SDK1: variants seen among roughly 807,000 people sequenced by gnomAD.
SDK1 encodes the protein sidekick cell adhesion molecule 1.
SDK1 carries 157 observed loss-of-function variants against 245.5 expected under a neutral mutation model. The ratio of observed to expected loss-of-function variants is 0.64; its 90% CI spans 0.56 to 0.73. The LOEUF is 0.73. Ranked by LOEUF, SDK1 falls within the 30% of genes least tolerant of loss-of-function variation. The pLI, the probability that SDK1 is intolerant of heterozygous loss-of-function variation, is 0.00. For missense variants in SDK1, 3,583 were observed against 3,002.3 expected, an observed-to-expected ratio of 1.19 and a Z score of -4.52; for synonymous variants, 1,647 against 1,278.5, an observed-to-expected ratio of 1.29 and a Z score of -6.15.
intron 4 of SDK1, among the ~76,000 whole-genome samples, chr7:3,756,300 C>T (rs1779929419): frequency 7.0e-6 from 1 of 143,054 alleles, no homozygotes. Flanking sequence ...ATGTTTTGAC[C>T]CTGACTCCTT....
intron 1 of SDK1, among the ~76,000 whole-genome samples, chr7:3,558,376 G>A (rs1457298398): frequency 6.6e-6 from 1 of 152,344 alleles, no homozygotes; most frequent in South Asian, 2.1e-4. Context: ...GCCTGCAGTG[G>A]AATCATTGGT....
At chr7:4,166,310 CT>C (rs1781497068) in intron 32 of SDK1, among the ~76,000 whole-genome samples, 1 of 152,256 alleles carries the variant, frequency 6.6e-6, no homozygotes, top group African/African-American at 2.4e-5. Context: ...GCATGGAGTG[CT>C]GAGTTCCAGA....
chr7:4,215,772 T>G (rs999164654), intron 38 of SDK1, among the ~76,000 whole-genome samples: 6 of 152,124 alleles, frequency 3.9e-5, no homozygotes, highest in Non-Finnish European at 5.9e-5. Flanking sequence ...GAGCACCTAT[T>G]ACTTGATGCG....
At chr7:4,145,055 A>C (rs1584282824) in intron 28 of SDK1, among the ~76,000 whole-genome samples, 1 of 151,968 alleles carries the variant, frequency 6.6e-6, no homozygotes. Context: ...CGTCTGGTCA[A>C]CCCCAAGCCC....
chr7:3,748,628 A>G (rs1170547063), intron 4 of SDK1, among the ~76,000 whole-genome samples: 6 of 152,230 alleles, frequency 3.9e-5, no homozygotes, highest in African/African-American at 1.4e-4. Flanking sequence ...GTTGCTTTAG[A>G]AATTCTAATA....
chr7:4,179,760 C>A (rs1484411090), intron 35 of SDK1, among the ~76,000 whole-genome samples: 2 of 151,818 alleles, frequency 1.3e-5, no homozygotes, highest in Non-Finnish European at 2.9e-5. Flanking sequence ...AGGGTGCCGT[C>A]AGTAAAGGGT....
chr7:3,530,756 T>A (rs1783316741), intron 1 of SDK1, among the ~76,000 whole-genome samples: 1 of 152,180 alleles, frequency 6.6e-6, no homozygotes, highest in Admixed American at 6.5e-5. Flanking sequence ...ACACAGAATA[T>A]CAGCATTCAT....
Position 4,114,186 on chromosome 7 carries a change from G to C in SDK1, c.3735G>C (p.Trp1245Cys). ...REFTIEELEE[W>C]MEYELQMQAF... is the part of the protein sequence containing the mutation. ...TCACCATCGAGGAGCTGGAGGAGTG[G>C]ATGGAATACGAGCTGCAGATGCAGG... The change falls in exon 25 of 45, where the codon TGG becomes TGC. Residue 1245 changes from tryptophan to cysteine, a missense_variant. Transcript: ENST00000404826. 6.2e-7 allele frequency: 1 copy of C among 1,614,118 alleles called. No homozygotes were observed. The highest frequency in any genetic ancestry group is 1.3e-5 in the African/African-American group (1 of 75,074).
At chr7:3,807,408 A>G (rs1041632172) in intron 4 of SDK1, among the ~76,000 whole-genome samples, 2 of 152,202 alleles carry the variant, frequency 1.3e-5, no homozygotes, top group African/African-American at 4.8e-5. Context: ...CTCCCGGTAG[A>G]TGGTAATGCC....
chr7:3,666,292 G>A (rs2128661246), intron 4 of SDK1, among the ~76,000 whole-genome samples: 1 of 152,298 alleles, frequency 6.6e-6, no homozygotes, highest in East Asian at 1.9e-4. Flanking sequence ...CCCTTCACAA[G>A]GCAGCCACGC....
At position 3,559,757 on chromosome 7, in the gene SDK1, C is replaced by CAA. The variant is rs11424233; in HGVS notation, c.299-59308_299-59307dup. On this transcript the variant is annotated intron_variant, in intron 1 of 44. Transcript: ENST00000404826. ...GAATAGAGATGACATTGTATTTTTT[C>CAA]AAAAAAAAAAAAAAAACACAAAAAT... Among the ~76,000 whole-genome samples the CAA allele has an allele frequency of 2.2e-3, 285 of 127,554 alleles. 3 individuals carry two copies. The highest frequency in any genetic ancestry group is 6.5e-3 in the African/African-American group (234 of 36,268). 83.7% of individuals were successfully genotyped at this position (127,554 alleles called of 152,430 possible). A position where few individuals can be genotyped will look rare whatever the true frequency, so the allele number is the denominator to read the frequency against.
Position 3,971,681 on chromosome 7 carries a change from C to T in SDK1, c.1817+113C>T. The T allele has an allele frequency of 3.8e-6, 3 of 783,812 alleles. No homozygotes were observed. The South Asian group carries it at 4.5e-5, about 12-fold the overall frequency. 48.6% of individuals were successfully genotyped at this position (783,812 alleles called of 1,614,324 possible). On this transcript the variant is annotated intron_variant, in intron 12 of 44. Coordinates refer to ENST00000404826, the MANE Select transcript of SDK1 (RefSeq NM_152744.4). ...GGAACTTTTGATTTCAGCAGCAGGT[C>T]CCTGATTACGGTATCTTCTGGTTGT...
chr7:4,214,261 T>C (rs2128229349), intron 38 of SDK1, among the ~76,000 whole-genome samples: 1 of 152,302 alleles, frequency 6.6e-6, no homozygotes, highest in East Asian at 1.9e-4. Context: ...ACTTCAGAGA[T>C]GGGGCTTGAG....
At chr7:4,210,987 G>A (rs1241599311) in intron 38 of SDK1, among the ~76,000 whole-genome samples, 3 of 152,198 alleles carry the variant, frequency 2.0e-5, no homozygotes, top group Non-Finnish European at 4.4e-5. Context: ...AGGGGCCCAC[G>A]GTGGGCAGAG....
intron 4 of SDK1, among the ~76,000 whole-genome samples, chr7:3,749,621 G>T (rs1190093073): frequency 6.6e-6 from 1 of 152,208 alleles, no homozygotes; most frequent in Non-Finnish European, 1.5e-5. Flanking sequence ...TTAATCTGAT[G>T]TAAGAAAAGT....
Position 3,786,640 on chromosome 7 carries a change from A to G in SDK1, c.714-34810A>G, listed in dbSNP as rs144228084. ...AATGGACTGAAATACAGTACAGCCT[A>G]TTTGCCTTAATACCGATGAATTTTT... is the stretch of plus-strand genomic sequence containing the variant. On this transcript the variant is annotated intron_variant, in intron 4 of 44. Coordinates refer to ENST00000404826, the MANE Select transcript of SDK1 (RefSeq NM_152744.4). 3.9e-5 allele frequency among the ~76,000 whole-genome samples: 6 copies of G among 152,214 alleles called. 1 individual carries two copies. The South Asian group carries it at 6.2e-4, about 16-fold the overall frequency.
rs566321981 is a variant in SDK1 at position 4,268,255 on chromosome 7, C to T, written c.*2871C>T. 62 of 998,768 alleles carry T rather than the reference C, an allele frequency of 6.2e-5. 1 individual carries two copies. The highest frequency in any genetic ancestry group is 4.7e-4 in the African/African-American group (27 of 57,696). The allele number at this position is 998,768 out of a possible 1,614,324, so 61.9% of individuals were successfully genotyped here. A position where few individuals can be genotyped will look rare whatever the true frequency, so the allele number is the denominator to read the frequency against. ...TGGTCACGGAGTGGCCAGGAGGCTC[C>T]GTCTGAGCCACAGGGATGGGTGTGC... On this transcript the variant is annotated 3_prime_UTR_variant, in exon 45 of 45. Coordinates refer to ENST00000404826, the MANE Select transcript of SDK1 (RefSeq NM_152744.4).
rs376048168 is a variant in SDK1 at position 3,946,879 on chromosome 7, A to G, written c.848-4044A>G. 7.9e-4 allele frequency among the ~76,000 whole-genome samples: 120 copies of G among 152,346 alleles called. No homozygotes were observed. In the South Asian group the frequency reaches 0.024, roughly 30 times the overall value. On this transcript the variant is annotated intron_variant, in intron 5 of 44. Transcript: ENST00000404826. ...GTAAAAGAGAACAGTACAAAAGGCT[A>G]TAAACAGAATGCAGCCATTTTTGCC...
At chr7:4,081,083 C>T (rs574317959) in intron 22 of SDK1, among the ~76,000 whole-genome samples, 7 of 152,264 alleles carry the variant, frequency 4.6e-5, no homozygotes, top group South Asian at 2.1e-4. Context: ...CTGACGATGC[C>T]GCATAGCTGA....
Sources: allele counts gnomAD v4.1 joint callset (sites outside exome capture counted in the v4.1 genomes callset), GRCh38; gene constraint gnomAD v4.1.1; transcripts MANE v1.5; gene names NCBI Gene and HGNC (gene_info 2026-07-23, HGNC 2026-07-21).